Variants in EYA2 observed in about 807,000 individuals in gnomAD.
EYA2 encodes EYA transcriptional coactivator and phosphatase 2.
EYA2 carries 31 observed loss-of-function variants against 69.2 expected under a neutral mutation model. The observed-to-expected ratio is 0.45, with a 90% CI of 0.34 to 0.60. The LOEUF is 0.60. EYA2 is among the 20% of genes least tolerant of loss of function. EYA2 has a pLI of 0.02. For synonymous variants in EYA2, 257 were observed against 279.4 expected, an observed-to-expected ratio of 0.92 and a Z score of 0.80; for missense variants, 622 against 701.2, an observed-to-expected ratio of 0.89 and a Z score of 1.28.
intron 5 of EYA2, among the ~76,000 whole-genome samples, chr20:47,053,308 A>G (rs2030435145): frequency 1.3e-5 from 2 of 152,216 alleles, no homozygotes; most frequent in South Asian, 4.1e-4. Flanking sequence ...TGAAAAGCGA[A>G]TGCCACGGAC....
chr20:47,163,470 A>AG (rs1254829422), intron 10 of EYA2, among the ~76,000 whole-genome samples: 2 of 151,996 alleles, frequency 1.3e-5, no homozygotes, highest in South Asian at 2.1e-4. Flanking sequence ...AGTCCGAGGC[A>AG]GGGGGGTCAT....
rs10689930 is a variant in EYA2 at position 47,039,835 on chromosome 20, C to CTTTTTTTTTTTTTTTT, written c.415+23546_415+23561dup. ...ATAGGGTCATTGTGAAGATCAAATA[C>CTTTTTTTTTTTTTTTT]TTTTTTTTTTTTTTTTTTTTTTTGA... On this transcript the variant is annotated intron_variant, in intron 5 of 15. Transcript: ENST00000327619. Among the ~76,000 whole-genome samples the CTTTTTTTTTTTTTTTT allele has an allele frequency of 2.3e-4, 16 of 69,804 alleles. 5 individuals carry two copies. The highest frequency in any genetic ancestry group is 3.7e-4 in the African/African-American group (6 of 16,438). 45.8% of individuals were successfully genotyped at this position (69,804 alleles called of 152,430 possible).
intron 4 of EYA2, among the ~76,000 whole-genome samples, chr20:47,008,066 G>A (rs926734761): frequency 2.0e-5 from 3 of 152,144 alleles, no homozygotes; most frequent in East Asian, 1.9e-4. Flanking sequence ...CCATGGCAGC[G>A]GACAGACACA....
chr20:46,998,663 G>C lies in EYA2; in HGVS notation c.110-2765G>C, dbSNP rs564778987. 2.0e-5 allele frequency among the ~76,000 whole-genome samples: 3 copies of C among 152,266 alleles called. No individual in the cohort carries two copies. The East Asian group carries it at 5.8e-4, about 29-fold the overall frequency. ...GCCTTATCATGTGTGTTTATGATAAGGATTATCAATGAAGTCCACACCACC... is the reference window on the plus strand; with the variant it reads ...GCCTTATCATGTGTGTTTATGATAACGATTATCAATGAAGTCCACACCACC... On this transcript the variant is annotated intron_variant, in intron 2 of 15. Coordinates refer to ENST00000327619, the MANE Select transcript of EYA2 (RefSeq NM_005244.5).
At chr20:47,125,115 A>G (rs1047482535) in intron 9 of EYA2, among the ~76,000 whole-genome samples, 2 of 138,432 alleles carry the variant, frequency 1.4e-5, no homozygotes, top group Non-Finnish European at 3.0e-5. Flanking sequence ...GTGCAGTGGC[A>G]CTATCTCGGC....
At chr20:47,048,318 T>G (rs1041441526) in intron 5 of EYA2, among the ~76,000 whole-genome samples, 2 of 152,172 alleles carry the variant, frequency 1.3e-5, no homozygotes, top group South Asian at 2.1e-4. Context: ...CTACTCACTT[T>G]TAGAGTATGG....
intron 1 of EYA2, among the ~76,000 whole-genome samples, chr20:46,896,397 C>G (rs574412277): frequency 7.3e-6 from 1 of 137,238 alleles, no homozygotes; most frequent in Admixed American, 6.9e-5. Context: ...TGTAACCATC[C>G]TGCTTACAAA....
At chr20:46,972,817 T>G (rs768154864) in intron 1 of EYA2, among the ~76,000 whole-genome samples, 1 of 152,224 alleles carries the variant, frequency 6.6e-6, no homozygotes, top group Admixed American at 6.5e-5. Context: ...CCTCACAGTC[T>G]GGTTGGGAGT....
intron 5 of EYA2, among the ~76,000 whole-genome samples, chr20:47,040,471 T>C (rs1298901316): frequency 2.0e-5 from 3 of 152,192 alleles, no homozygotes; most frequent in Non-Finnish European, 2.9e-5. Flanking sequence ...GTACCTCTCC[T>C]GTAAAGCCAA....
At chr20:47,078,747 C>A (rs1171758994) in intron 7 of EYA2, among the ~76,000 whole-genome samples, 2 of 152,136 alleles carry the variant, frequency 1.3e-5, no homozygotes, top group African/African-American at 4.8e-5. Context: ...TACAAATTAT[C>A]TAAAAAGAAG....
chr20:47,130,233 C>T (rs1301560134), intron 9 of EYA2, among the ~76,000 whole-genome samples: 7 of 140,828 alleles, frequency 5.0e-5, no homozygotes, highest in East Asian at 2.0e-4. Context: ...TGTAACTTAA[C>T]GGAAAGAAAT....
intron 4 of EYA2, among the ~76,000 whole-genome samples, chr20:47,015,311 C>G (rs557104938): frequency 1.3e-5 from 2 of 152,336 alleles, no homozygotes; most frequent in East Asian, 3.9e-4. Flanking sequence ...CTCCTCAACA[C>G]AGTCCCTTTC....
At chr20:46,978,468 A>G (rs1980600166) in intron 1 of EYA2, 2 of 448,670 alleles carry the variant, frequency 4.5e-6, no homozygotes, top group South Asian at 3.4e-5. Context: ...GGCAGAGGGA[A>G]CAGCATGTAC....
intron 15 of EYA2, 34 bp from the exon 16 acceptor site, chr20:47,188,019 G>A (rs1015136871): frequency 1.3e-6 from 2 of 1,553,612 alleles, no homozygotes; most frequent in Non-Finnish European, 1.7e-6. Context: ...CAGGGGCGGG[G>A]CCATAACCTT....
chr20:46,945,408 A>C (rs1023252389), intron 1 of EYA2, among the ~76,000 whole-genome samples: 11 of 152,242 alleles, frequency 7.2e-5, no homozygotes, highest in African/African-American at 2.7e-4. Flanking sequence ...AAAACATCTC[A>C]GGAACCTAAG....
At chr20:46,937,490 A>G (rs1459896501) in intron 1 of EYA2, among the ~76,000 whole-genome samples, 4 of 152,312 alleles carry the variant, frequency 2.6e-5, no homozygotes, top group East Asian at 1.9e-4. Context: ...ATCTTATAGT[A>G]CAGATTTTTG....
chr20:47,040,660 A>G (rs531736550), intron 5 of EYA2, among the ~76,000 whole-genome samples: 11 of 152,286 alleles, frequency 7.2e-5, no homozygotes, highest in Non-Finnish European at 1.2e-4. Context: ...TCCTTTAATC[A>G]CAGCCACACA....
At chr20:46,955,524 A>C (rs532989831) in intron 1 of EYA2, among the ~76,000 whole-genome samples, 1 of 152,328 alleles carries the variant, frequency 6.6e-6, no homozygotes, top group South Asian at 2.1e-4. Flanking sequence ...CTTATCATAG[A>C]GCAATAAAAT....
At chr20:46,912,294 G>A (rs1359090768) in intron 1 of EYA2, among the ~76,000 whole-genome samples, 3 of 152,202 alleles carry the variant, frequency 2.0e-5, no homozygotes, top group African/African-American at 4.8e-5. Context: ...ATTCAGGGAG[G>A]AATCTCATTT....
Sources: gnomAD v4.1 joint callset for allele counts (sites outside exome capture counted in the v4.1 genomes callset) on GRCh38, gnomAD v4.1.1 for gene constraint, MANE v1.5 for transcripts, NCBI Gene and HGNC (gene_info 2026-07-23, HGNC 2026-07-21) for gene names.